The following UVRAG variants were observed in gnomAD, a reference collection of about 807,000 sequenced individuals.
UVRAG encodes the protein UV radiation resistance-associated gene protein.
A neutral mutation model predicts 78.0 loss-of-function variants in UVRAG; 19 were observed. The ratio of observed to expected loss-of-function variants is 0.24; its 90% CI spans 0.17 to 0.36. The LOEUF is 0.36. Ranked by LOEUF, UVRAG falls within the 10% of genes least tolerant of loss-of-function variation. The pLI is 1.00. For missense variants in UVRAG, 740 were observed against 853.8 expected (o/e 0.87, Z 1.66); for synonymous variants, 323 against 324.6 (o/e 1.00, Z 0.05).
In UVRAG at chr11:75,879,887, G is replaced by T; in HGVS notation, c.279G>T (p.Thr93=). 1 of 1,613,876 alleles carries T rather than the reference G, an allele frequency of 6.2e-7. No individual in the cohort carries two copies. The highest frequency in any genetic ancestry group is 8.5e-7 in the Non-Finnish European group (1 of 1,179,798). ...TTCATTTTCATGAGCAGAATCCCAC[G>T]TGGCGAAGTCTCGATTTTGGAATTA... ...SEVIKNSLNP[T]WRSLDFGIMP... Residue 93 remains threonine (T), a synonymous_variant, in exon 4 of 15, where the codon ACG becomes ACT. Coordinates refer to ENST00000356136, the MANE Select transcript of UVRAG (RefSeq NM_003369.4).
chr11:76,124,676 G>T (rs1196891244), intron 14 of UVRAG, among the ~76,000 whole-genome samples: 1 of 152,220 alleles, frequency 6.6e-6, no homozygotes, highest in African/African-American at 2.4e-5. Context: ...AATGTTGGGA[G>T]AAGTAACTAG....
intron 6 of UVRAG, among the ~76,000 whole-genome samples, chr11:75,918,452 G>A (rs1947908396): frequency 6.6e-6 from 1 of 152,004 alleles, no homozygotes; most frequent in Non-Finnish European, 1.5e-5. Context: ...TCATGTACAG[G>A]AGAAAGTTCA....
intron 13 of UVRAG, among the ~76,000 whole-genome samples, chr11:76,081,173 A>G (rs1951485834): frequency 6.6e-6 from 1 of 151,166 alleles, no homozygotes; most frequent in East Asian, 1.9e-4. Context: ...TTTCTAACTC[A>G]TTGTCCCTCT....
chr11:76,088,316 TAC>T (rs1719162054), intron 13 of UVRAG, among the ~76,000 whole-genome samples: 1 of 152,160 alleles, frequency 6.6e-6, no homozygotes, highest in East Asian at 1.9e-4. Flanking sequence ...CCTGCTGAAA[TAC>T]TTGGCATTTA....
At chr11:75,920,008 GTTTTTTTTTTTT>G (rs140217190) in intron 6 of UVRAG, among the ~76,000 whole-genome samples, 45 of 55,492 alleles carry the variant, frequency 8.1e-4, no homozygotes, top group African/African-American at 2.0e-3. Context: ...AATAATTTTG[GTTTTTTTTTTTT>G]TTTTTTTTTT....
At chr11:75,945,619 A>G (rs1327910601) in intron 6 of UVRAG, among the ~76,000 whole-genome samples, 4 of 151,872 alleles carry the variant, frequency 2.6e-5, no homozygotes, top group African/African-American at 9.7e-5. Context: ...CAGGCCTCCA[A>G]ATGACTTATT....
chr11:75,964,094 C>T (rs747487690), intron 7 of UVRAG, among the ~76,000 whole-genome samples: 6 of 152,102 alleles, frequency 3.9e-5, no homozygotes, highest in Non-Finnish European at 8.8e-5. Flanking sequence ...CTAGGGAAAG[C>T]CCTCTTGGTC....
intron 13 of UVRAG, among the ~76,000 whole-genome samples, chr11:76,094,407 TG>T (rs1240914136): frequency 6.6e-6 from 1 of 152,218 alleles, no homozygotes; most frequent in African/African-American, 2.4e-5. Flanking sequence ...CTTTTTCTCT[TG>T]ATTGGAATAG....
chr11:76,114,156 T>A (rs1952133710), intron 13 of UVRAG, among the ~76,000 whole-genome samples: 1 of 152,190 alleles, frequency 6.6e-6, no homozygotes, highest in Admixed American at 6.5e-5. Context: ...ATTTCACTTC[T>A]TATTGAAACA....
intron 13 of UVRAG, among the ~76,000 whole-genome samples, chr11:76,084,931 G>T (rs1404266056): frequency 6.6e-6 from 1 of 151,842 alleles, no homozygotes; most frequent in African/African-American, 2.4e-5. Flanking sequence ...AGGCATGGTG[G>T]CGGGTGCCTG....
chr11:75,951,336 T>C (rs867120764), intron 6 of UVRAG, among the ~76,000 whole-genome samples: 2,654 of 140,550 alleles, frequency 0.019, 32 homozygotes, highest in African/African-American at 0.029. Flanking sequence ...TGTGTGTGTG[T>C]GTGTGTGTGT....
chr11:76,135,945 A>G (rs909832660), intron 14 of UVRAG, among the ~76,000 whole-genome samples: 1 of 152,226 alleles, frequency 6.6e-6, no homozygotes. Flanking sequence ...GTTTTTCATC[A>G]CAATATAAAT....
At chr11:75,997,000 T>G (rs926307810) in intron 8 of UVRAG, among the ~76,000 whole-genome samples, 4 of 152,196 alleles carry the variant, frequency 2.6e-5, no homozygotes, top group African/African-American at 9.7e-5. Context: ...AAATACTCTC[T>G]TAGCACTAAA....
chr11:75,999,292 A>G (rs1041366506), intron 8 of UVRAG, among the ~76,000 whole-genome samples: 1 of 151,754 alleles, frequency 6.6e-6, no homozygotes, highest in South Asian at 2.1e-4. Context: ...TTGTGGGCTT[A>G]TAGCATACAT....
chr11:76,068,289 C>T (rs1951234096), intron 13 of UVRAG, among the ~76,000 whole-genome samples: 1 of 152,176 alleles, frequency 6.6e-6, no homozygotes, highest in South Asian at 2.1e-4. Context: ...TGTTTGATCC[C>T]CACTTCCCAA....
chr11:76,025,670 C>A (rs142351963), intron 12 of UVRAG, among the ~76,000 whole-genome samples: 195 of 152,056 alleles, frequency 1.3e-3, no homozygotes, highest in African/African-American at 4.6e-3. Flanking sequence ...CAAGAGTTGC[C>A]CTTTTTACCT....
Position 76,140,542 on chromosome 11 carries a change from C to G in UVRAG, c.1398-169C>G, listed in dbSNP as rs1002714369. ...AGCTCCCAAAGTTGGACCCACATAC[C>G]TCATGTTGTTTTTTGCATTGAGACA... On this transcript the variant is annotated intron_variant, in intron 14 of 14. Coordinates refer to ENST00000356136, the MANE Select transcript of UVRAG (RefSeq NM_003369.4). Among the ~76,000 whole-genome samples, 5 of 152,118 alleles carry G rather than the reference C, an allele frequency of 3.3e-5. No individual in the cohort carries two copies. The East Asian group carries it at 7.7e-4, about 24-fold the overall frequency.
intron 3 of UVRAG, among the ~76,000 whole-genome samples, chr11:75,867,774 G>C (rs1946567516): frequency 6.6e-6 from 1 of 152,124 alleles, no homozygotes; most frequent in South Asian, 2.1e-4. Flanking sequence ...GTGAACACTT[G>C]ATTTTTAAAA....
chr11:75,965,853 A>G (rs1053956859), intron 7 of UVRAG, among the ~76,000 whole-genome samples: 11 of 152,192 alleles, frequency 7.2e-5, no homozygotes, highest in African/African-American at 2.2e-4. Context: ...GTAAAGAATC[A>G]TAACAGGAAA....
Sources: allele counts gnomAD v4.1 joint callset (sites outside exome capture counted in the v4.1 genomes callset), GRCh38; gene constraint gnomAD v4.1.1; transcripts MANE v1.5; gene names NCBI Gene and HGNC (gene_info 2026-07-23, HGNC 2026-07-21).